The following PCDH10 variants were observed in gnomAD, a reference collection of about 807,000 sequenced individuals.
PCDH10 encodes protocadherin-10.
A neutral mutation model predicts 74.4 loss-of-function variants in PCDH10; 15 were observed. That is an observed-to-expected ratio of 0.20 (90% CI 0.13 to 0.31). The LOEUF (loss-of-function observed/expected upper bound fraction) is 0.31, where lower values mean the gene tolerates loss of function less well. Among genes scored for constraint, PCDH10 ranks in the 10% least tolerant of loss-of-function variants. The probability of loss-of-function intolerance (pLI) is 1.00; values close to 1 mark genes in which losing one functional copy is unlikely to be tolerated. For missense variants in PCDH10, 1,260 were observed against 1,390.2 expected (o/e 0.91, Z 1.49); for synonymous variants, 619 against 589.8 (o/e 1.05, Z -0.72).
chr4:133,164,637 G>A (rs1361095031), intron 4 of PCDH10, among the ~76,000 whole-genome samples: 1 of 151,658 alleles, frequency 6.6e-6, no homozygotes, highest in Non-Finnish European at 1.5e-5. Flanking sequence ...TGCTCTTAGT[G>A]AGTACTAATC....
chr4:133,190,294 C>T lies in PCDH10; in HGVS notation c.*134C>T, dbSNP rs377713781. ...CTGAGTATTAGATTTCGGATGGAGT[C>T]ATCATGGCCAATTATAGGACCTAAT... is the stretch of plus-strand genomic sequence containing the variant. On this transcript the variant is annotated 3_prime_UTR_variant, in exon 5 of 5. Transcript: ENST00000264360. 4.2e-5 allele frequency: 32 copies of T among 769,752 alleles called. No individual in the cohort carries two copies. Among genetic ancestry groups the T allele is most frequent in the African/African-American group, 2.1e-4 (12 of 58,000 alleles). The allele number at this position is 769,752 out of a possible 1,614,324, so 47.7% of individuals were successfully genotyped here. A position where few individuals can be genotyped will look rare whatever the true frequency, so the allele number is the denominator to read the frequency against.
At chr4:133,203,306 T>C (rs1727940796) in intron 2 of PCDH10, among the ~76,000 whole-genome samples, 1 of 152,174 alleles carries the variant, frequency 6.6e-6, no homozygotes, top group Admixed American at 6.5e-5. Flanking sequence ...GATTCCTTCC[T>C]TCTTTTTCTT....
rs142777823 is a variant in PCDH10 at position 133,154,691 on chromosome 4, T to C, written c.2691-226T>C. 1.9e-3 allele frequency among the ~76,000 whole-genome samples: 285 copies of C among 152,320 alleles called. 1 individual carries two copies. Among genetic ancestry groups the C allele is most frequent in the African/African-American group, 6.3e-3 (260 of 41,572 alleles). On this transcript the variant is annotated intron_variant, in intron 2 of 4. Transcript: ENST00000264360. ...ATAAACATGTATTTAGCTCCAATTATAGAGTAATGCCTAAACTTTACATGA... is the reference window on the plus strand; with the variant it reads ...ATAAACATGTATTTAGCTCCAATTACAGAGTAATGCCTAAACTTTACATGA...
rs753419730 is a variant in PCDH10 at position 133,170,119 on chromosome 4, C to T, written c.3103+6837C>T. Among the ~76,000 whole-genome samples, 33 of 151,854 alleles carry T rather than the reference C, an allele frequency of 2.2e-4. 1 individual carries two copies. Among genetic ancestry groups the T allele is most frequent in the Non-Finnish European group, 2.9e-4 (20 of 67,904 alleles). Reference sequence around the variant, plus strand: ...AATTCAAAAACCTTGTCTCCCAAAACGTAATTACATACCAAAAGACATAGA... The same window carrying T: ...AATTCAAAAACCTTGTCTCCCAAAATGTAATTACATACCAAAAGACATAGA... On this transcript the variant is annotated intron_variant, in intron 4 of 4. Transcript: ENST00000264360.
chr4:133,204,397 A>G (rs1351166681), intron 2 of PCDH10, among the ~76,000 whole-genome samples: 1 of 152,116 alleles, frequency 6.6e-6, no homozygotes, highest in Non-Finnish European at 1.5e-5. Context: ...GCTCTAGCTT[A>G]CCCTTGATAG....
chr4:133,171,500 A>T (rs1727202474), intron 4 of PCDH10, among the ~76,000 whole-genome samples: 1 of 152,180 alleles, frequency 6.6e-6, no homozygotes, highest in Admixed American at 6.5e-5. Context: ...CTCTTCTAAC[A>T]AAACATATGG....
rs1726667603 is a variant in PCDH10 at position 133,151,003 on chromosome 4, C to T, written c.863C>T (p.Ser288Phe). Residue 288 changes from serine to phenylalanine, a missense_variant, in exon 1 of 5, where the codon TCC becomes TTC. By Grantham distance (155) the Ser-to-Phe change is radical. This residue lies in a region of PCDH10 where 192 missense variants were observed against 161.2 expected (regional missense o/e 1.19). Coordinates refer to ENST00000264360, the MANE Select transcript of PCDH10 (RefSeq NM_032961.3). ...DEGQNGEVVY[S>F]FSSHISPRAR... is the part of the protein sequence containing the mutation. ...GGCCAGAACGGTGAGGTCGTGTACT[C>T]CTTCAGCAGCCACATTTCGCCCCGG... 1 of 1,613,904 alleles carries T rather than the reference C, an allele frequency of 6.2e-7. No individual in the cohort carries two copies. Among genetic ancestry groups the T allele is most frequent in the Non-Finnish European group, 8.5e-7 (1 of 1,180,032 alleles).
At chr4:133,196,647 G>A (rs552554434), downstream of PCDH10, among the ~76,000 whole-genome samples, 1 of 152,338 alleles carries the variant, frequency 6.6e-6, no homozygotes, top group East Asian at 1.9e-4. Flanking sequence ...AGACAGGAAA[G>A]TGGTTTGTTT....
At position 133,200,247 on chromosome 4, in the gene PCDH10, T is replaced by C. The variant is rs564218683; in HGVS notation, n.438-7829T>C. Among the ~76,000 whole-genome samples, 6 of 152,158 alleles carry C rather than the reference T, an allele frequency of 3.9e-5. No homozygotes were observed. In the South Asian group the frequency reaches 1.2e-3, roughly 31 times the overall value. Reference sequence around the variant, plus strand: ...GAAGTAATTTTATAAATATATCATATGTAAATTATAATTAGTTTTAAAGTT... The same window carrying C: ...GAAGTAATTTTATAAATATATCATACGTAAATTATAATTAGTTTTAAAGTT... On this transcript the variant is annotated intron_variant and non_coding_transcript_variant, in intron 2 of 2. Transcript: ENST00000511112.
At chr4:133,204,481 A>T (rs1034748268) in intron 2 of PCDH10, among the ~76,000 whole-genome samples, 1 of 152,196 alleles carries the variant, frequency 6.6e-6, no homozygotes, top group East Asian at 1.9e-4. Context: ...ACTCAGGGAC[A>T]CTTGCCAAAA....
rs1400737616 is a variant in PCDH10 at position 133,152,389 on chromosome 4, C to G, written c.2249C>G (p.Thr750Ser). The change falls in exon 1 of 5, where the codon ACT (threonine) becomes AGT (serine). Residue 750 changes from threonine (T) to serine (S), a missense_variant. Physicochemically the swap from Thr to Ser is moderately conservative, Grantham distance 58. This residue lies in a region of PCDH10 where 587 missense variants were observed against 616.9 expected (regional missense o/e 0.95). Transcript: ENST00000264360. ...CQKEKKLNIY[T>S]CLASDCCLCC... ...AAAGAGAAGAAGCTCAACATCTATA[C>G]TTGTCTGGCCAGCGATTGCTGCCTC... is the stretch of plus-strand genomic sequence containing the variant. The G allele has an allele frequency of 1.2e-6, 2 of 1,614,118 alleles. No individual in the cohort carries two copies. Among genetic ancestry groups the G allele is most frequent in the African/African-American group, 2.7e-5 (2 of 74,958 alleles).
chr4:133,154,794 A>T (rs923646382), intron 2 of PCDH10, 123 bp from the exon 3 acceptor site: 5 of 673,412 alleles, frequency 7.4e-6, no homozygotes, highest in Admixed American at 5.4e-5. Flanking sequence ...CTTTATGCAG[A>T]AACAAAGCCA....
intron 4 of PCDH10, among the ~76,000 whole-genome samples, chr4:133,170,399 A>T (rs1377900842): frequency 1.3e-5 from 2 of 152,140 alleles, no homozygotes; most frequent in African/African-American, 2.4e-5. Context: ...ATTATCAATG[A>T]TAACTTTAAG....
rs1472427549 is a variant in PCDH10 at position 133,190,222 on chromosome 4, C to T, written c.*62C>T. 2.9e-6 allele frequency: 4 copies of T among 1,402,444 alleles called. No homozygotes were observed. The highest frequency in any genetic ancestry group is 1.8e-4 in the Middle Eastern group (1 of 5,690). 86.9% of individuals were successfully genotyped at this position (1,402,444 alleles called of 1,614,324 possible). On this transcript the variant is annotated 3_prime_UTR_variant, in exon 5 of 5. Transcript: ENST00000264360. ...GCACAAAGTCGACCAACAAAAGCAT[C>T]AACTTTTCAACTTCATTATCTTGGC...
chr4:133,180,537 A>G (rs1415815326), intron 4 of PCDH10, among the ~76,000 whole-genome samples: 2 of 152,024 alleles, frequency 1.3e-5, no homozygotes, highest in Admixed American at 1.3e-4. Flanking sequence ...CGAGAACATT[A>G]TTATGAGATA....
chr4:133,152,988 G>A, intron 1 of PCDH10: 1 of 1,443,938 alleles, frequency 6.9e-7, no homozygotes, highest in Non-Finnish European at 9.1e-7. Context: ...TTTTCATTCC[G>A]TCCCCTTGGT....
chr4:133,154,321 A>G lies in PCDH10; in HGVS notation c.2646A>G (p.Arg882=), dbSNP rs755939741. 3 of 1,607,562 alleles carry G rather than the reference A, an allele frequency of 1.9e-6. No individual in the cohort carries two copies. The highest frequency in any genetic ancestry group is 2.7e-5 in the African/African-American group (2 of 74,528). ...TTTTTTCCTAGACTAAACACCAGCGAGCAGAGCTCAGCTATCTAGTTGACA... is the reference window on the plus strand; with the variant it reads ...TTTTTTCCTAGACTAAACACCAGCGGGCAGAGCTCAGCTATCTAGTTGACA... The part of the protein sequence containing the change: ...SILSNETKHQ[R]AELSYLVDRP... The change falls in exon 2 of 5, where the codon CGA becomes CGG. Residue 882 remains arginine (R), a synonymous_variant. Transcript: ENST00000264360.
chr4:133,180,889 T>C (rs1224396037), intron 4 of PCDH10, among the ~76,000 whole-genome samples: 1 of 151,720 alleles, frequency 6.6e-6, no homozygotes, highest in Non-Finnish European at 1.5e-5. Flanking sequence ...ACAAGCAGGA[T>C]ATTATCTTGT....
chr4:133,156,716 C>T (rs1456014620), intron 3 of PCDH10, among the ~76,000 whole-genome samples: 2 of 152,170 alleles, frequency 1.3e-5, no homozygotes, highest in Non-Finnish European at 2.9e-5. Flanking sequence ...CCACACGCCC[C>T]GCTTTGTTTT....
Sources: allele counts gnomAD v4.1 joint callset (sites outside exome capture counted in the v4.1 genomes callset), GRCh38; gene constraint gnomAD v4.1.1; regional missense constraint gnomAD v4.1.1; transcripts MANE v1.5; gene names NCBI Gene and HGNC (gene_info 2026-07-23, HGNC 2026-07-21).